DGKH: variants seen among roughly 807,000 people sequenced by gnomAD.
DGKH encodes the protein diacylglycerol kinase eta.
A neutral mutation model predicts 159.3 loss-of-function variants in DGKH; 90 were observed. The observed-to-expected ratio is 0.57, with a 90% CI of 0.48 to 0.67. The LOEUF (loss-of-function observed/expected upper bound fraction) is 0.67. Ranked by LOEUF, DGKH falls within the 30% of genes least tolerant of loss-of-function variation. The pLI is 0.00. For synonymous variants in DGKH, 536 were observed against 553.8 expected (o/e 0.97, Z 0.45); for missense variants, 1,181 against 1,506.1 (o/e 0.78, Z 3.57).
rs1312616869 is a variant in DGKH, at chr13:42,135,496, A to AG, written c.384+5864_384+5865insG. ...CAGAGAAAGACCCTGTCTCAGAAAA[A>AG]AAAAAAAAAAAAGAGAGAGAGAGAA... On this transcript the variant is annotated intron_variant, in intron 3 of 29. Transcript: ENST00000337343. Among the ~76,000 whole-genome samples the AG allele has an allele frequency of 3.7e-4, 54 of 145,126 alleles. 2 individuals are homozygous for AG. In the East Asian group the frequency reaches 0.01, roughly 27 times the overall value.
chr13:42,224,893 G>T (rs1359957590), intron 29 of DGKH, among the ~76,000 whole-genome samples: 2 of 123,354 alleles, frequency 1.6e-5, no homozygotes, highest in Non-Finnish European at 3.6e-5. Flanking sequence ...GTTGGGAAAA[G>T]GAAAAAAAAA....
chr13:42,044,039 C>G (rs59788204), upstream of DGKH: 1 of 151,794 alleles, frequency 6.6e-6, no homozygotes, highest in Non-Finnish European at 1.5e-5. Flanking sequence ...CGTGGTGGTG[C>G]GCACCTATAG....
At chr13:42,156,925 C>T (rs1956062124) in intron 5 of DGKH, among the ~76,000 whole-genome samples, 1 of 152,316 alleles carries the variant, frequency 6.6e-6, no homozygotes, top group Non-Finnish European at 1.5e-5. Context: ...CTCACTTAGG[C>T]TTTCCTCTCC....
At chr13:42,146,157 T>TA (rs1955724723) in intron 3 of DGKH, among the ~76,000 whole-genome samples, 1 of 148,890 alleles carries the variant, frequency 6.7e-6, no homozygotes, top group African/African-American at 2.5e-5. Flanking sequence ...AGGCTTTTTT[T>TA]TTTTTTTTTT....
intron 12 of DGKH, 95 bp from the exon 13 acceptor site, chr13:42,178,040 C>T: frequency 1.3e-6 from 1 of 751,222 alleles, no homozygotes. Context: ...CTTGCCTAAA[C>T]ATATGTCATG....
At chr13:42,251,594 T>C (rs1958620752) in intron 29 of DGKH, among the ~76,000 whole-genome samples, 1 of 152,086 alleles carries the variant, frequency 6.6e-6, no homozygotes, top group Non-Finnish European at 1.5e-5. Flanking sequence ...TCCTTGTCCA[T>C]TTTTCATCCT....
At chr13:42,249,069 T>G (rs1958601797) in intron 29 of DGKH, among the ~76,000 whole-genome samples, 1 of 152,270 alleles carries the variant, frequency 6.6e-6, no homozygotes, top group African/African-American at 2.4e-5. Flanking sequence ...TATTCTATTT[T>G]GTTTTAAAAA....
intron 7 of DGKH, among the ~76,000 whole-genome samples, chr13:42,162,814 A>G (rs920420935): frequency 4.0e-5 from 6 of 150,582 alleles, no homozygotes; most frequent in Non-Finnish European, 8.9e-5. Flanking sequence ...CAAAACACAA[A>G]CAAAAACATG....
In DGKH at chr13:42,242,358, A is replaced by G. The variant is rs1276610863; in HGVS notation, c.*13170A>G. 6.6e-6 allele frequency: 1 copy of G among 152,354 alleles called. No homozygotes were observed. The highest frequency in any genetic ancestry group is 3.4e-3 in the Middle Eastern group (1 of 294). 9.4% of individuals were successfully genotyped at this position (152,354 alleles called of 1,614,324 possible). ...AAGCACTTGTGTCTGAAAGATGCAGATAATATCTATCTATTTATTACACAG... is the reference window on the plus strand; with the variant it reads ...AAGCACTTGTGTCTGAAAGATGCAGGTAATATCTATCTATTTATTACACAG... On this transcript the variant is annotated 3_prime_UTR_variant, in exon 30 of 30. Coordinates refer to ENST00000337343, the MANE Select transcript of DGKH (RefSeq NM_178009.5).
chr13:42,187,405 C>G (rs553015917), intron 14 of DGKH, among the ~76,000 whole-genome samples: 6 of 152,176 alleles, frequency 3.9e-5, no homozygotes, highest in African/African-American at 1.2e-4. Flanking sequence ...GAGACAGAGT[C>G]TTGCTCTGTC....
chr13:42,219,628 G>C (rs1957913661), intron 27 of DGKH, 58 bp from the exon 28 acceptor site: 5 of 1,162,068 alleles, frequency 4.3e-6, no homozygotes, highest in Non-Finnish European at 6.0e-6. Flanking sequence ...TATTATCAGA[G>C]TAGGTTTTTC....
At chr13:42,096,613 C>T (rs1037477343) in intron 1 of DGKH, among the ~76,000 whole-genome samples, 1 of 152,176 alleles carries the variant, frequency 6.6e-6, no homozygotes, top group Non-Finnish European at 1.5e-5. Context: ...CTTGCCTGTT[C>T]TCTCCTGGCA....
intron 12 of DGKH, among the ~76,000 whole-genome samples, chr13:42,175,625 AT>A (rs1473979439): frequency 6.6e-6 from 1 of 152,220 alleles, no homozygotes; most frequent in East Asian, 1.9e-4. Context: ...ATGAGGTACA[AT>A]TCTAAAGATA....
chr13:42,072,858 C>CA (rs1883060900), intron 1 of DGKH, among the ~76,000 whole-genome samples: 1 of 152,216 alleles, frequency 6.6e-6, no homozygotes. Flanking sequence ...AGTCCCCACC[C>CA]CCAACCTGGC....
At position 42,168,693 on chromosome 13, in the gene DGKH, G is replaced by A. The variant is rs746842348; in HGVS notation, c.1242G>A (p.Val414=). 6.1e-5 allele frequency: 99 copies of A among 1,614,062 alleles called. 3 individuals carry two copies. The Admixed American group carries it at 1.6e-3, about 27-fold the overall frequency. ...CTGTCTTTCAGTGTCAGCTGGGAGT[G>A]TTGCCTTTGGGTACAGGAAATGACC... ...LNLNKQCQLG[V]LPLGTGNDLA... The change falls in exon 11 of 30, where the codon GTG becomes GTA. Residue 414 remains valine, a synonymous_variant. Transcript: ENST00000337343.
At chr13:42,201,147 C>G (rs1338402729) in intron 20 of DGKH, among the ~76,000 whole-genome samples, 3 of 152,056 alleles carry the variant, frequency 2.0e-5, no homozygotes, top group Non-Finnish European at 1.5e-5. Flanking sequence ...TGCACGCCAC[C>G]ACGCCCAGCT....
intron 1 of DGKH, chr13:42,069,836 A>T: frequency 1.1e-6 from 1 of 899,452 alleles, no homozygotes. Flanking sequence ...GGCTCAGCAG[A>T]GTAATTGGTA....
At chr13:42,154,778 C>T (rs898102317) in intron 3 of DGKH, among the ~76,000 whole-genome samples, 13 of 151,920 alleles carry the variant, frequency 8.6e-5, no homozygotes, top group South Asian at 4.2e-4. Context: ...CAGTGGCTCA[C>T]GGCTGTAATC....
chr13:42,154,816 G>A (rs1169042893), intron 3 of DGKH, among the ~76,000 whole-genome samples: 4 of 151,762 alleles, frequency 2.6e-5, no homozygotes, highest in Non-Finnish European at 4.4e-5. Flanking sequence ...CGAGGGGGGC[G>A]GATCACGAGG....
Sources: allele counts gnomAD v4.1 joint callset (sites outside exome capture counted in the v4.1 genomes callset), GRCh38; gene constraint gnomAD v4.1.1; transcripts MANE v1.5; gene names NCBI Gene and HGNC (gene_info 2026-07-23, HGNC 2026-07-21).